Variants in COBL observed in about 807,000 individuals in gnomAD.
COBL encodes the protein protein cordon-bleu.
In COBL, 51 loss-of-function variants were observed where a neutral mutation model predicts 98.8. The observed-to-expected ratio is 0.52, with a 90% CI of 0.41 to 0.65. The LOEUF (loss-of-function observed/expected upper bound fraction) is 0.65, where lower values mean the gene tolerates loss of function less well. COBL is among the 30% of genes least tolerant of loss of function. COBL has a pLI of 0.00. For missense variants in COBL, 1,617 were observed against 1,617.5 expected (o/e 1.00, Z 0.01); for synonymous variants, 634 against 651.7 (o/e 0.97, Z 0.41).
At chr7:51,074,441 G>T (rs376516868) in intron 7 of COBL, among the ~76,000 whole-genome samples, 2 of 152,040 alleles carry the variant, frequency 1.3e-5, no homozygotes, top group East Asian at 1.9e-4. Context: ...TGATCCACCC[G>T]CCTCAGCCTC....
intron 7 of COBL, among the ~76,000 whole-genome samples, chr7:51,069,459 C>T (rs979522988): frequency 8.5e-5 from 13 of 152,328 alleles, no homozygotes; most frequent in African/African-American, 3.1e-4. Flanking sequence ...TGGTGGGCTC[C>T]GCAGTGCATG....
chr7:51,299,532 C>G (rs1801726084), intron 1 of COBL, among the ~76,000 whole-genome samples: 1 of 152,182 alleles, frequency 6.6e-6, no homozygotes, highest in African/African-American at 2.4e-5. Context: ...TGCTGGCACT[C>G]CTCAAACCCA....
At chr7:51,182,117 T>TGAGG (rs1285867302) in intron 5 of COBL, among the ~76,000 whole-genome samples, 1 of 151,032 alleles carries the variant, frequency 6.6e-6, no homozygotes, top group Non-Finnish European at 1.5e-5. Context: ...GGGTGAGGAA[T>TGAGG]GAGGAATGAG....
rs144674562 is a variant in COBL at position 51,180,650 on chromosome 7, T to A, written c.783+3452A>T. Among the ~76,000 whole-genome samples the A allele has an allele frequency of 2.2e-4, 34 of 152,328 alleles. 1 individual carries two copies. Among genetic ancestry groups the A allele is most frequent in the African/African-American group, 7.2e-4 (30 of 41,582 alleles). On this transcript the variant is annotated intron_variant, in intron 5 of 12. Transcript: ENST00000265136. Reference sequence around the variant, plus strand: ...TTATCTTTGGTAAAACTGGAGGAACTGGAAAAATTATTTTTCAATAACCCA... The same window carrying A: ...TTATCTTTGGTAAAACTGGAGGAACAGGAAAAATTATTTTTCAATAACCCA...
chr7:51,090,245 CAACTT>C (rs1794680755), intron 6 of COBL, among the ~76,000 whole-genome samples: 2 of 152,260 alleles, frequency 1.3e-5, no homozygotes, highest in South Asian at 4.1e-4. Flanking sequence ...ACAAAGACAT[CAACTT>C]AACAGCAATT....
intron 6 of COBL, among the ~76,000 whole-genome samples, chr7:51,132,486 C>A (rs1283825104): frequency 6.6e-6 from 1 of 152,186 alleles, no homozygotes; most frequent in Non-Finnish European, 1.5e-5. Flanking sequence ...GGATGCCCAC[C>A]CAGGCATCTG....
chr7:51,029,953 T>C (rs753126307), intron 9 of COBL, among the ~76,000 whole-genome samples: 5 of 152,324 alleles, frequency 3.3e-5, no homozygotes, highest in East Asian at 3.9e-4. Context: ...TCATGTCCAC[T>C]AGAAGCACAA....
chr7:51,281,126 C>T (rs111546642), intron 1 of COBL, among the ~76,000 whole-genome samples: 22 of 152,024 alleles, frequency 1.4e-4, no homozygotes, highest in Non-Finnish European at 2.4e-4. Flanking sequence ...GAAGATATAA[C>T]GAAGAAACAA....
chr7:51,241,098 G>A (rs1345543604), intron 1 of COBL, among the ~76,000 whole-genome samples: 1 of 152,180 alleles, frequency 6.6e-6, no homozygotes, highest in Admixed American at 6.5e-5. Flanking sequence ...CTGGTGTTCA[G>A]GCTAAGTAAA....
At chr7:51,200,986 A>G (rs1046425972) in intron 2 of COBL, among the ~76,000 whole-genome samples, 3 of 152,158 alleles carry the variant, frequency 2.0e-5, no homozygotes, top group Non-Finnish European at 4.4e-5. Context: ...CACACCTGCA[A>G]TCCCAACACT....
intron 2 of COBL, among the ~76,000 whole-genome samples, chr7:51,210,750 A>G (rs1051021075): frequency 2.0e-5 from 3 of 151,976 alleles, no homozygotes; most frequent in African/African-American, 7.3e-5. Flanking sequence ...TCCACTACAC[A>G]CTTTTCTGGA....
At chr7:51,243,622 T>TA (rs1215138039) in intron 1 of COBL, among the ~76,000 whole-genome samples, 1 of 151,986 alleles carries the variant, frequency 6.6e-6, no homozygotes, top group Non-Finnish European at 1.5e-5. Flanking sequence ...CCAAGAACGT[T>TA]ACGCTGGGTG....
chr7:51,080,556 C>T (rs945022622), intron 7 of COBL, among the ~76,000 whole-genome samples: 1 of 152,200 alleles, frequency 6.6e-6, no homozygotes, highest in African/African-American at 2.4e-5. Flanking sequence ...GGTGTCTGTG[C>T]ATACCCTACG....
At chr7:51,207,428 T>C (rs547770076) in intron 2 of COBL, among the ~76,000 whole-genome samples, 9 of 152,134 alleles carry the variant, frequency 5.9e-5, no homozygotes, top group Non-Finnish European at 1.3e-4. Context: ...CCCTCGCACT[T>C]GCCCCATGGT....
intron 1 of COBL, among the ~76,000 whole-genome samples, chr7:51,287,130 G>A (rs1297269202): frequency 6.6e-6 from 1 of 152,120 alleles, no homozygotes; most frequent in African/African-American, 2.4e-5. Context: ...AAGGAGAGGA[G>A]CATGGGTACC....
chr7:51,267,051 A>C (rs909549789), intron 1 of COBL, among the ~76,000 whole-genome samples: 1 of 151,998 alleles, frequency 6.6e-6, no homozygotes, highest in Admixed American at 6.6e-5. Context: ...ATACCCTCTC[A>C]ATTTTTAGAA....
intron 5 of COBL, among the ~76,000 whole-genome samples, chr7:51,141,197 T>C (rs1799711773): frequency 6.6e-6 from 1 of 152,188 alleles, no homozygotes; most frequent in Non-Finnish European, 1.5e-5. Context: ...AATACAATTA[T>C]ACCTTGACTC....
chr7:51,217,037 T>C (rs977666247), intron 2 of COBL, among the ~76,000 whole-genome samples: 1 of 152,226 alleles, frequency 6.6e-6, no homozygotes, highest in African/African-American at 2.4e-5. Context: ...TCACAGCTGC[T>C]GCTATAACTC....
intron 1 of COBL, among the ~76,000 whole-genome samples, chr7:51,300,905 A>G (rs2129202409): frequency 6.6e-6 from 1 of 152,156 alleles, no homozygotes; most frequent in East Asian, 1.9e-4. Context: ...TTTTCCAGGG[A>G]TATCTGAGGT....
Sources: allele counts gnomAD v4.1 joint callset (sites outside exome capture counted in the v4.1 genomes callset), GRCh38; gene constraint gnomAD v4.1.1; transcripts MANE v1.5; gene names NCBI Gene and HGNC (gene_info 2026-07-23, HGNC 2026-07-21).